Variants in GRID2 observed in about 807,000 individuals in gnomAD.
The protein encoded by GRID2 is glutamate receptor ionotropic, delta-2.
Under a neutral mutation model 114.8 loss-of-function variants are expected in GRID2, and 33 were observed. That is an observed-to-expected ratio of 0.29 (90% CI 0.22 to 0.38). GRID2 has a LOEUF of 0.38. Among genes scored for constraint, GRID2 ranks in the 10% least tolerant of loss-of-function variants. The probability of loss-of-function intolerance (pLI) is 1.00; values close to 1 mark genes in which losing one functional copy is unlikely to be tolerated. For missense variants in GRID2, 1,184 were observed against 1,257.7 expected (o/e 0.94, Z 0.89); for synonymous variants, 505 against 449.9 (o/e 1.12, Z -1.55).
chr4:93,591,805 A>G (rs1280494589), intron 13 of GRID2, among the ~76,000 whole-genome samples: 1 of 152,152 alleles, frequency 6.6e-6, no homozygotes, highest in Non-Finnish European at 1.5e-5. Flanking sequence ...GTGTCGAGGA[A>G]TTTATCCATT....
chr4:92,410,823 G>T (rs1028625686), intron 1 of GRID2, among the ~76,000 whole-genome samples: 6 of 148,072 alleles, frequency 4.1e-5, no homozygotes, highest in African/African-American at 1.5e-4. Context: ...ACCTAAGTAG[G>T]TCTGCAAAAG....
intron 8 of GRID2, 32 bp downstream of exon 8, chr4:93,238,522 T>C: frequency 6.3e-7 from 1 of 1,591,888 alleles, no homozygotes. Flanking sequence ...AATACGCTTT[T>C]TCCTATACTA....
chr4:93,127,873 T>TA (rs2149370730), intron 4 of GRID2, among the ~76,000 whole-genome samples: 2 of 151,276 alleles, frequency 1.3e-5, no homozygotes, highest in East Asian at 3.9e-4. Context: ...AAAGTTATAA[T>TA]AGCTGGGTAT....
At chr4:92,933,537 T>C (rs1421378496) in intron 2 of GRID2, among the ~76,000 whole-genome samples, 1 of 151,520 alleles carries the variant, frequency 6.6e-6, no homozygotes, top group East Asian at 1.9e-4. Flanking sequence ...GAATAAGTGA[T>C]GTGGATGCCT....
At chr4:93,055,136 G>T (rs1280548085) in intron 2 of GRID2, among the ~76,000 whole-genome samples, 1 of 151,818 alleles carries the variant, frequency 6.6e-6, no homozygotes, top group Non-Finnish European at 1.5e-5. Flanking sequence ...CATGTAAGAT[G>T]GTAAAGATGC....
intron 14 of GRID2, among the ~76,000 whole-genome samples, chr4:93,699,117 A>G (rs182450758): frequency 6.6e-6 from 1 of 152,094 alleles, no homozygotes; most frequent in East Asian, 1.9e-4. Context: ...ATTTATTACT[A>G]TTGTAACACC....
intron 2 of GRID2, among the ~76,000 whole-genome samples, chr4:92,908,996 A>G (rs551315581): frequency 9.2e-5 from 14 of 152,292 alleles, no homozygotes; most frequent in African/African-American, 3.4e-4. Context: ...ATAAATTCAC[A>G]TTAATTGATT....
intron 4 of GRID2, among the ~76,000 whole-genome samples, chr4:93,120,245 G>A (rs562595055): frequency 6.6e-6 from 1 of 152,252 alleles, no homozygotes; most frequent in Admixed American, 6.5e-5. Flanking sequence ...CCATTATTGA[G>A]TGTATACCCA....
intron 13 of GRID2, among the ~76,000 whole-genome samples, chr4:93,600,167 A>C (rs140746200): frequency 5.6e-4 from 86 of 152,352 alleles, no homozygotes; most frequent in African/African-American, 1.9e-3. Flanking sequence ...GATTAAAACT[A>C]TGTCTCAGTA....
intron 14 of GRID2, among the ~76,000 whole-genome samples, chr4:93,676,714 A>C (rs1463629003): frequency 3.3e-5 from 5 of 151,510 alleles, no homozygotes. Flanking sequence ...CCTAAAACTT[A>C]AAATATAATA....
intron 2 of GRID2, among the ~76,000 whole-genome samples, chr4:92,919,495 A>G (rs970479351): frequency 1.3e-5 from 2 of 152,186 alleles, no homozygotes; most frequent in African/African-American, 4.8e-5. Flanking sequence ...ATTTAGTGCT[A>G]TAAGTTTCCC....
At chr4:93,219,865 TAGAGTA>T (rs899930365) in intron 6 of GRID2, among the ~76,000 whole-genome samples, 14 of 152,160 alleles carry the variant, frequency 9.2e-5, no homozygotes, top group African/African-American at 3.4e-4. Flanking sequence ...TTGGGAAGGT[TAGAGTA>T]AAATTCATTA....
intron 8 of GRID2, among the ~76,000 whole-genome samples, chr4:93,363,368 C>A (rs990052654): frequency 1.3e-5 from 2 of 152,140 alleles, no homozygotes; most frequent in African/African-American, 4.8e-5. Context: ...TACCTGCAAT[C>A]CCAGCCCTCG....
chr4:92,346,638 G>A (rs1020714209), intron 1 of GRID2, among the ~76,000 whole-genome samples: 1 of 152,250 alleles, frequency 6.6e-6, no homozygotes, highest in East Asian at 1.9e-4. Context: ...TTACAGGCAT[G>A]AGCCACCGTG....
At chr4:92,554,629 T>TGGATAG (rs2149176073) in intron 1 of GRID2, among the ~76,000 whole-genome samples, 1 of 152,284 alleles carries the variant, frequency 6.6e-6, no homozygotes, top group Admixed American at 6.5e-5. Flanking sequence ...AAAAAATCTA[T>TGGATAG]CCATTGGACA....
intron 2 of GRID2, among the ~76,000 whole-genome samples, chr4:93,070,721 C>G (rs560988608): frequency 3.1e-4 from 47 of 152,088 alleles, no homozygotes; most frequent in Admixed American, 1.2e-3. Context: ...AACCAAAATA[C>G]ATTCTTCTGC....
chr4:93,774,824 AC>A (rs1475351415), downstream of GRID2, among the ~76,000 whole-genome samples: 1 of 152,116 alleles, frequency 6.6e-6, no homozygotes, highest in African/African-American at 2.4e-5. Flanking sequence ...CTCTGTGAGC[AC>A]TTTTTTGGGA....
chr4:92,796,491 C>A lies in GRID2; in HGVS notation c.244+206205C>A, dbSNP rs561147500. On this transcript the variant is annotated intron_variant, in intron 2 of 15. Transcript: ENST00000282020. ...GGGATTAGTAGCTTTATAGGTAGGG[C>A]AATCCTGATCATAAACCCAACTTTA... Among the ~76,000 whole-genome samples the A allele has an allele frequency of 2.6e-5, 4 of 151,982 alleles. 1 individual carries two copies. In the South Asian group the frequency reaches 8.3e-4, roughly 32 times the overall value.
chr4:92,713,519 T>TATATATATATA (rs1464081862), intron 2 of GRID2, among the ~76,000 whole-genome samples: 16 of 81,330 alleles, frequency 2.0e-4, no homozygotes, highest in Non-Finnish European at 3.0e-4. Context: ...ATATATATAT[T>TATATATATATA]ACCAAAATTA....
Sources: gnomAD v4.1 joint callset for allele counts (sites outside exome capture counted in the v4.1 genomes callset) on GRCh38, gnomAD v4.1.1 for gene constraint, MANE v1.5 for transcripts, NCBI Gene and HGNC (gene_info 2026-07-23, HGNC 2026-07-21) for gene names.